PACRG: variants seen among roughly 807,000 people sequenced by gnomAD.
The protein encoded by PACRG is parkin coregulated gene protein.
A neutral mutation model predicts 29.7 loss-of-function variants in PACRG; 29 were observed. That is an observed-to-expected ratio of 0.98 (90% CI 0.73 to 1.33). PACRG has a LOEUF of 1.33. Among genes scored for constraint, PACRG ranks in the 40% most tolerant of loss-of-function variants. The pLI is 0.00. For synonymous variants in PACRG, 116 were observed against 118.7 expected, an observed-to-expected ratio of 0.98 and a Z score of 0.15; for missense variants, 279 against 316.2, an observed-to-expected ratio of 0.88 and a Z score of 0.89.
At chr6:163,191,566 G>A (rs1056808237) in intron 4 of PACRG, 1 of 445,516 alleles carries the variant, frequency 2.2e-6, no homozygotes, top group Non-Finnish European at 4.5e-6. Flanking sequence ...CTAGCTCAAG[G>A]ATCTTGAGTG....
At chr6:162,976,070 C>T (rs1293251472) in intron 2 of PACRG, among the ~76,000 whole-genome samples, 3 of 151,968 alleles carry the variant, frequency 2.0e-5, no homozygotes, top group East Asian at 1.9e-4. Flanking sequence ...CAAACAAACA[C>T]GAAGATGAAC....
intron 2 of PACRG, among the ~76,000 whole-genome samples, chr6:163,000,789 A>C (rs1364006354): frequency 6.6e-6 from 1 of 152,224 alleles, no homozygotes; most frequent in East Asian, 1.9e-4. Context: ...GTGTTAGAAA[A>C]GGAAGACACA....
chr6:162,771,478 G>A (rs182748257), intron 1 of PACRG, among the ~76,000 whole-genome samples: 313 of 152,176 alleles, frequency 2.1e-3, no homozygotes, highest in African/African-American at 7.2e-3. Context: ...TTATCAAGAC[G>A]ATAGAAGTGG....
intron 2 of PACRG, among the ~76,000 whole-genome samples, chr6:162,963,221 T>A (rs1219505131): frequency 6.6e-6 from 1 of 152,114 alleles, no homozygotes. Context: ...ATTTCCTTTG[T>A]TTAAGGAATG....
intron 4 of PACRG, chr6:163,312,980 T>C: frequency 4.1e-6 from 1 of 243,250 alleles, no homozygotes; most frequent in Non-Finnish European, 8.2e-6. Flanking sequence ...GGTCTCAAAC[T>C]CCTGGTCTCA....
chr6:162,924,579 A>T (rs1797295127), intron 2 of PACRG, among the ~76,000 whole-genome samples: 1 of 152,028 alleles, frequency 6.6e-6, no homozygotes, highest in African/African-American at 2.4e-5. Context: ...CCATTTGTTG[A>T]GAGTTTTTAT....
At chr6:162,962,518 G>T (rs1800708754) in intron 2 of PACRG, among the ~76,000 whole-genome samples, 1 of 152,030 alleles carries the variant, frequency 6.6e-6, no homozygotes, top group African/African-American at 2.4e-5. Flanking sequence ...ATTAGGTTTA[G>T]CTGAGGTCAT....
rs543570880 is a variant in PACRG at position 162,825,484 on chromosome 6, A to G, written c.291+11203A>G. Among the ~76,000 whole-genome samples the G allele has an allele frequency of 2.0e-5, 3 of 152,250 alleles. No homozygotes were observed. The South Asian group carries it at 6.2e-4, about 32-fold the overall frequency. On this transcript the variant is annotated intron_variant, in intron 2 of 4. Transcript: ENST00000366888. ...CTGTCTTCCAACTTAATAATTTACT[A>G]GTTTAATCTACTGTATAATTTGTTG...
intron 2 of PACRG, among the ~76,000 whole-genome samples, chr6:162,830,585 A>C (rs899480761): frequency 6.6e-6 from 1 of 152,242 alleles, no homozygotes; most frequent in Non-Finnish European, 1.5e-5. Flanking sequence ...TCCCAGGCAA[A>C]ACACTGGGAT....
chr6:162,879,841 C>A (rs995719665), intron 2 of PACRG, among the ~76,000 whole-genome samples: 5 of 152,278 alleles, frequency 3.3e-5, no homozygotes, highest in African/African-American at 1.2e-4. Context: ...GGAGTTACTC[C>A]TTCTTCAAGG....
At chr6:163,237,571 A>T (rs1782301200) in intron 4 of PACRG, among the ~76,000 whole-genome samples, 1 of 152,218 alleles carries the variant, frequency 6.6e-6, no homozygotes, top group African/African-American at 2.4e-5. Context: ...TCAAAATATA[A>T]TAATGTCCTT....
intron 2 of PACRG, among the ~76,000 whole-genome samples, chr6:162,817,389 C>T (rs1018489519): frequency 2.0e-5 from 3 of 152,224 alleles, no homozygotes; most frequent in African/African-American, 7.2e-5. Flanking sequence ...TCTCAGCCCA[C>T]GCCCTGCTCT....
chr6:163,242,008 A>C (rs1782527153), intron 4 of PACRG, among the ~76,000 whole-genome samples: 1 of 152,216 alleles, frequency 6.6e-6, no homozygotes, highest in Non-Finnish European at 1.5e-5. Context: ...GCTTTTATCC[A>C]AGTTAAAACA....
intron 4 of PACRG, among the ~76,000 whole-genome samples, chr6:163,264,615 G>A (rs1167389551): frequency 6.6e-6 from 1 of 152,212 alleles, no homozygotes; most frequent in East Asian, 1.9e-4. Flanking sequence ...TGGGGCAGCT[G>A]AGGTGAGGGG....
chr6:163,242,444 G>A (rs1339315801), intron 4 of PACRG, among the ~76,000 whole-genome samples: 1 of 152,174 alleles, frequency 6.6e-6, no homozygotes, highest in African/African-American at 2.4e-5. Context: ...CCCTGGACTG[G>A]GAGATTGCAA....
chr6:162,798,583 T>G (rs1038705237), intron 1 of PACRG, among the ~76,000 whole-genome samples: 2 of 152,192 alleles, frequency 1.3e-5, no homozygotes, highest in Non-Finnish European at 2.9e-5. Context: ...ATTTCCAAAA[T>G]AAGAAGAAGA....
At chr6:162,743,670 G>T (rs1473008937) in intron 1 of PACRG, among the ~76,000 whole-genome samples, 1 of 151,476 alleles carries the variant, frequency 6.6e-6, no homozygotes, top group Non-Finnish European at 1.5e-5. Context: ...CTGAGTTTTT[G>T]AATTATTTAT....
chr6:163,038,310 A>C (rs1808392832), intron 2 of PACRG, among the ~76,000 whole-genome samples: 1 of 152,236 alleles, frequency 6.6e-6, no homozygotes, highest in Non-Finnish European at 1.5e-5. Context: ...AGCAGGACAC[A>C]TCTAGCAAAT....
intron 2 of PACRG, among the ~76,000 whole-genome samples, chr6:162,887,777 A>G (rs2128032622): frequency 6.6e-6 from 1 of 151,996 alleles, no homozygotes; most frequent in South Asian, 2.1e-4. Context: ...TGGTTTGCAG[A>G]GTGCCCAGTC....
Sources: gnomAD v4.1 joint callset for allele counts (sites outside exome capture counted in the v4.1 genomes callset) on GRCh38, gnomAD v4.1.1 for gene constraint, MANE v1.5 for transcripts, NCBI Gene and HGNC (gene_info 2026-07-23, HGNC 2026-07-21) for gene names.